JAZF1: variants seen among roughly 807,000 people sequenced by gnomAD.
JAZF1 encodes the protein juxtaposed with another zinc finger protein 1.
A neutral mutation model predicts 26.4 loss-of-function variants in JAZF1; 8 were observed. That is an observed-to-expected ratio of 0.30 (90% CI 0.18 to 0.55). The LOEUF (loss-of-function observed/expected upper bound fraction) is 0.55, where lower values mean the gene tolerates loss of function less well. Ranked by LOEUF, JAZF1 falls within the 20% of genes least tolerant of loss-of-function variation. JAZF1 has a pLI of 0.94. For synonymous variants in JAZF1, 126 were observed against 122.3 expected (o/e 1.03, Z -0.20); for missense variants, 199 against 322.0 (o/e 0.62, Z 2.92).
chr7:27,925,455 G>A (rs569644229), intron 2 of JAZF1, among the ~76,000 whole-genome samples: 11 of 152,236 alleles, frequency 7.2e-5, no homozygotes, highest in East Asian at 1.9e-4. Context: ...ACAGGGTCTC[G>A]TCCTGTTGCC....
At chr7:27,867,465 C>A (rs1783493815) in intron 3 of JAZF1, among the ~76,000 whole-genome samples, 1 of 152,190 alleles carries the variant, frequency 6.6e-6, no homozygotes, top group African/African-American at 2.4e-5. Flanking sequence ...ACAGCCTGTG[C>A]CGCATGAAAA....
chr7:28,024,355 T>C (rs781149745), intron 1 of JAZF1, among the ~76,000 whole-genome samples: 2 of 151,902 alleles, frequency 1.3e-5, no homozygotes, highest in South Asian at 2.1e-4. Flanking sequence ...ATATTAAAAG[T>C]TCTAAGGGAG....
At chr7:28,028,838 C>A (rs1461931120) in intron 1 of JAZF1, among the ~76,000 whole-genome samples, 1 of 152,176 alleles carries the variant, frequency 6.6e-6, no homozygotes, top group African/African-American at 2.4e-5. Context: ...CCATTATGGA[C>A]TTCTCCCTGT....
At chr7:27,835,545 AT>A (rs1782790808) in intron 4 of JAZF1, among the ~76,000 whole-genome samples, 1 of 146,068 alleles carries the variant, frequency 6.8e-6, no homozygotes, top group Non-Finnish European at 1.5e-5. Context: ...ATTTAGAAAC[AT>A]AAAGTATTTC....
At chr7:27,932,974 C>T (rs4722745) in intron 2 of JAZF1, among the ~76,000 whole-genome samples, 46,178 of 151,964 alleles carry the variant, frequency 0.3, 7,395 homozygotes, top group Middle Eastern at 0.38. Flanking sequence ...GATCTGGTAA[C>T]GATGGCTGTC....
At chr7:27,929,888 T>C (rs548151172) in intron 2 of JAZF1, among the ~76,000 whole-genome samples, 4 of 152,132 alleles carry the variant, frequency 2.6e-5, no homozygotes, top group African/African-American at 9.6e-5. Flanking sequence ...GAGCAAAATT[T>C]TGGGAGAATT....
intron 1 of JAZF1, among the ~76,000 whole-genome samples, chr7:28,006,320 G>C (rs1030167420): frequency 1.1e-4 from 16 of 152,086 alleles, no homozygotes; most frequent in African/African-American, 3.6e-4. Flanking sequence ...AGTGAGCCAA[G>C]ACGGCACCAC....
At chr7:28,001,187 C>G (rs1786151461) in intron 1 of JAZF1, among the ~76,000 whole-genome samples, 1 of 151,704 alleles carries the variant, frequency 6.6e-6, no homozygotes. Context: ...TACTCTACTT[C>G]TAATAAAAAT....
intron 1 of JAZF1, among the ~76,000 whole-genome samples, chr7:28,050,947 A>C (rs1432681400): frequency 6.6e-6 from 1 of 151,934 alleles, no homozygotes; most frequent in African/African-American, 2.4e-5. Context: ...GCCTGGCCAA[A>C]TAATGAAATC....
In JAZF1 at chr7:28,050,671, G is replaced by GT. The variant is rs1182584533; in HGVS notation, c.116-58691dup. On this transcript the variant is annotated intron_variant, in intron 1 of 4. Coordinates refer to ENST00000283928, the MANE Select transcript of JAZF1 (RefSeq NM_175061.4). Reference sequence around the variant, plus strand: ...TGTGGCTTAGTCTCTGTCAGTTTTTGTAAGTGTCACTAAGTACTTCAAAAG... The same window carrying GT: ...TGTGGCTTAGTCTCTGTCAGTTTTTGTTAAGTGTCACTAAGTACTTCAAAAG... Among the ~76,000 whole-genome samples, 4 of 152,052 alleles carry GT rather than the reference G, an allele frequency of 2.6e-5. No homozygotes were observed. In the East Asian group the frequency reaches 5.8e-4, roughly 22 times the overall value.
At chr7:28,114,352 C>A (rs1047166662) in intron 1 of JAZF1, among the ~76,000 whole-genome samples, 2 of 151,984 alleles carry the variant, frequency 1.3e-5, no homozygotes, top group Non-Finnish European at 2.9e-5. Flanking sequence ...CTGAACACAG[C>A]CCTGAAAACT....
At chr7:28,144,837 TA>T (rs1425803515) in intron 1 of JAZF1, among the ~76,000 whole-genome samples, 1 of 152,154 alleles carries the variant, frequency 6.6e-6, no homozygotes, top group East Asian at 1.9e-4. Context: ...AAATCAAAGG[TA>T]AATCTGCTGG....
chr7:28,117,962 C>T (rs964212478), intron 1 of JAZF1, among the ~76,000 whole-genome samples: 1 of 151,892 alleles, frequency 6.6e-6, no homozygotes, highest in African/African-American at 2.4e-5. Context: ...CTGGTTTACT[C>T]AAGTTTATTT....
At chr7:27,998,071 A>AAGGAAGGAAGGAAGGCAGGCAGGCAGGC (rs10691690) in intron 1 of JAZF1, among the ~76,000 whole-genome samples, 5 of 111,596 alleles carry the variant, frequency 4.5e-5, no homozygotes, top group Non-Finnish European at 7.0e-5. Context: ...GGAAGGAAGG[A>AAGGAAGGAAGGAAGGCAGGCAGGCAGGC]AGGCAGGCAG....
rs62449878 is a variant in JAZF1 at position 28,010,850 on chromosome 7, T to C, written c.116-18869A>G. Among the ~76,000 whole-genome samples the C allele has an allele frequency of 9.1e-3, 1,381 of 152,360 alleles. 11 individuals carry two copies. Among genetic ancestry groups the C allele is most frequent in the Non-Finnish European group, 0.014 (969 of 68,036 alleles). On this transcript the variant is annotated intron_variant, in intron 1 of 4. Transcript: ENST00000283928. ...ATTATTAAACGACATCACAACTGCA[T>C]GCCAGTAGGTCGTATTTTCTAACAA...
At chr7:28,061,303 G>A (rs2128382619) in intron 1 of JAZF1, among the ~76,000 whole-genome samples, 2 of 152,272 alleles carry the variant, frequency 1.3e-5, no homozygotes, top group South Asian at 4.1e-4. Flanking sequence ...ATTCTCTCTT[G>A]TATGATCACG....
intron 2 of JAZF1, among the ~76,000 whole-genome samples, chr7:27,936,009 T>A (rs937791788): frequency 1.3e-5 from 2 of 152,218 alleles, no homozygotes; most frequent in Admixed American, 1.3e-4. Flanking sequence ...CGCCTTGCCC[T>A]AGTCCCAGCC....
intron 2 of JAZF1, among the ~76,000 whole-genome samples, chr7:27,974,702 T>C (rs1023695240): frequency 2.0e-5 from 3 of 152,136 alleles, no homozygotes; most frequent in African/African-American, 7.2e-5. Flanking sequence ...TGGGGACAAG[T>C]CAAAGTTGAA....
rs569094155 is a variant in JAZF1 at position 28,029,919 on chromosome 7, G to T, written c.116-37938C>A. Among the ~76,000 whole-genome samples the T allele has an allele frequency of 4.6e-5, 7 of 152,332 alleles. No homozygotes were observed. The South Asian group carries it at 1.4e-3, about 32-fold the overall frequency. On this transcript the variant is annotated intron_variant, in intron 1 of 4. Transcript: ENST00000283928. ...CATTTCTTGAAAGTCAAGGGGTTGAGGTGAATGGAGCACTGGCCTCAGGTA... is the reference window on the plus strand; with the variant it reads ...CATTTCTTGAAAGTCAAGGGGTTGATGTGAATGGAGCACTGGCCTCAGGTA...
Sources: allele counts gnomAD v4.1 joint callset (sites outside exome capture counted in the v4.1 genomes callset), GRCh38; gene constraint gnomAD v4.1.1; transcripts MANE v1.5; gene names NCBI Gene and HGNC (gene_info 2026-07-23, HGNC 2026-07-21).